Variants in SLC25A26 observed in about 807,000 individuals in gnomAD.
SLC25A26 encodes mitochondrial S-adenosylmethionine carrier protein.
SLC25A26 carries 36 observed loss-of-function variants against 37.8 expected under a neutral mutation model. The ratio of observed to expected loss-of-function variants is 0.95; its 90% CI spans 0.73 to 1.26. The LOEUF (loss-of-function observed/expected upper bound fraction) is 1.26, where lower values mean the gene tolerates loss of function less well. Ranked by LOEUF, SLC25A26 falls within the 50% of genes most tolerant of loss-of-function variation. SLC25A26 has a pLI of 0.00. For missense variants in SLC25A26, 390 were observed against 331.1 expected, an observed-to-expected ratio of 1.18 and a Z score of -1.38; for synonymous variants, 129 against 122.5, an observed-to-expected ratio of 1.05 and a Z score of -0.35.
At chr3:66,300,262 T>G (rs568515914) in intron 5 of SLC25A26, among the ~76,000 whole-genome samples, 5,385 of 149,872 alleles carry the variant, frequency 0.036, 345 homozygotes, top group African/African-American at 0.12. Flanking sequence ...TTTTGTTTTT[T>G]TTTTTTTTTT....
chr3:66,377,077 A>C (rs977663463), intron 9 of SLC25A26, among the ~76,000 whole-genome samples: 1 of 152,188 alleles, frequency 6.6e-6, no homozygotes, highest in African/African-American at 2.4e-5. Flanking sequence ...AGTTTTAAAG[A>C]ATGAATCCCC....
intron 1 of SLC25A26, among the ~76,000 whole-genome samples, chr3:66,193,961 G>A (rs2070994680): frequency 6.6e-6 from 1 of 152,166 alleles, no homozygotes; most frequent in African/African-American, 2.4e-5. Context: ...TCAACTGAGC[G>A]TGCCTCAACA....
chr3:66,139,783 C>T (rs1229066215), intron 1 of SLC25A26, among the ~76,000 whole-genome samples: 1 of 152,148 alleles, frequency 6.6e-6, no homozygotes, highest in Non-Finnish European at 1.5e-5. Context: ...TTCTTTCACA[C>T]TAAGCGCTAA....
intron 5 of SLC25A26, among the ~76,000 whole-genome samples, chr3:66,314,747 C>T (rs1029262662): frequency 6.8e-6 from 1 of 147,796 alleles, no homozygotes. Context: ...CCGTCTGGTT[C>T]TGGGCTTTTT....
intron 1 of SLC25A26, among the ~76,000 whole-genome samples, chr3:66,152,614 A>G (rs909827677): frequency 2.0e-5 from 3 of 152,130 alleles, no homozygotes; most frequent in African/African-American, 7.2e-5. Context: ...GTGGAAATAA[A>G]ATCATCTATT....
intron 3 of SLC25A26, among the ~76,000 whole-genome samples, chr3:66,254,016 G>A (rs187648262): frequency 1.6e-4 from 25 of 152,288 alleles, no homozygotes; most frequent in Non-Finnish European, 3.2e-4. Context: ...TGTATTACCC[G>A]TGACAGCAGT....
chr3:66,212,488 A>G (rs1263772040), intron 1 of SLC25A26, among the ~76,000 whole-genome samples: 1 of 152,188 alleles, frequency 6.6e-6, no homozygotes, highest in African/African-American at 2.4e-5. Context: ...TGTATAGGAA[A>G]AAAACCTAGT....
intron 6 of SLC25A26, among the ~76,000 whole-genome samples, chr3:66,353,819 G>A (rs1044061940): frequency 3.3e-5 from 5 of 152,184 alleles, no homozygotes; most frequent in Non-Finnish European, 7.4e-5. Flanking sequence ...AGCCAGAACC[G>A]AATTTTCCAC....
At chr3:66,316,722 G>T (rs2075550683) in intron 5 of SLC25A26, among the ~76,000 whole-genome samples, 1 of 152,046 alleles carries the variant, frequency 6.6e-6, no homozygotes, top group South Asian at 2.1e-4. Flanking sequence ...TTTCCAACTT[G>T]GTTCCATTCT....
chr3:66,268,033 A>C (rs332340), intron 5 of SLC25A26, among the ~76,000 whole-genome samples: 51,913 of 151,998 alleles, frequency 0.34, 9,417 homozygotes, highest in East Asian at 0.72. Flanking sequence ...GAGACACTCT[A>C]TCCTAGATCT....
intron 6 of SLC25A26, among the ~76,000 whole-genome samples, chr3:66,351,251 G>A (rs896904603): frequency 4.6e-5 from 7 of 152,116 alleles, no homozygotes; most frequent in Non-Finnish European, 8.8e-5. Context: ...TCCTGTTACT[G>A]TGCTACATCA....
rs1025015603 is a variant in SLC25A26 at position 66,208,517 on chromosome 3, T to C, written c.-353-12225T>C. On this transcript the variant is annotated intron_variant, in intron 1 of 10. Coordinates refer to the SLC25A26 transcript ENST00000676754. ...CTTTGTGTTTTGTCTGTCAAAAATA[T>C]AGGAGCAGGACAACCCACTTTTCCG... 8.3e-4 allele frequency among the ~76,000 whole-genome samples: 126 copies of C among 151,740 alleles called. No individual in the cohort carries two copies. The Middle Eastern group carries it at 0.01, about 12-fold the overall frequency.
At chr3:66,356,690 G>A (rs1328325437) in intron 6 of SLC25A26, among the ~76,000 whole-genome samples, 1 of 152,148 alleles carries the variant, frequency 6.6e-6, no homozygotes, top group African/African-American at 2.4e-5. Flanking sequence ...TTGCAGTGGT[G>A]TGATCGCTGA....
intron 1 of SLC25A26, among the ~76,000 whole-genome samples, chr3:66,187,831 C>T (rs902263712): frequency 1.3e-5 from 2 of 151,890 alleles, no homozygotes; most frequent in Non-Finnish European, 2.9e-5. Context: ...CTCACTTTGA[C>T]CCTCAATCTA....
At chr3:66,328,150 A>AG (rs2075884424) in intron 5 of SLC25A26, among the ~76,000 whole-genome samples, 1 of 152,170 alleles carries the variant, frequency 6.6e-6, no homozygotes, top group African/African-American at 2.4e-5. Flanking sequence ...CCCTTAAAAA[A>AG]GTTGTGCAGA....
At chr3:66,222,305 C>T (rs551772950) in intron 1 of SLC25A26, among the ~76,000 whole-genome samples, 47 of 151,972 alleles carry the variant, frequency 3.1e-4, no homozygotes, top group Admixed American at 2.7e-3. Flanking sequence ...CTCAGCCTCC[C>T]GAGTAGCTGG....
intron 9 of SLC25A26, chr3:66,371,399 G>A (rs1700336664): frequency 6.6e-7 from 1 of 1,507,474 alleles, no homozygotes; most frequent in South Asian, 1.3e-5. Flanking sequence ...TGATGATCTG[G>A]AGGACATGAA....
At chr3:66,195,569 C>T (rs879067190) in intron 1 of SLC25A26, among the ~76,000 whole-genome samples, 27,734 of 152,254 alleles carry the variant, frequency 0.18, 2,950 homozygotes, top group Admixed American at 0.33. Flanking sequence ...GCGCTTGCGC[C>T]GGGCAGGCCC....
chr3:66,317,971 G>A (rs1033182534), intron 5 of SLC25A26, among the ~76,000 whole-genome samples: 1 of 152,274 alleles, frequency 6.6e-6, no homozygotes, highest in East Asian at 1.9e-4. Flanking sequence ...TGGTGGCAGG[G>A]GAAAACAGCC....
Sources: allele counts gnomAD v4.1 joint callset (sites outside exome capture counted in the v4.1 genomes callset), GRCh38; gene constraint gnomAD v4.1.1; transcripts MANE v1.5; gene names NCBI Gene and HGNC (gene_info 2026-07-23, HGNC 2026-07-21).